Variants in GUCY2C observed in about 807,000 individuals in gnomAD.
GUCY2C encodes guanylate cyclase 2C, also known as guanylyl cyclase C.
A neutral mutation model predicts 131.1 loss-of-function variants in GUCY2C; 118 were observed. That is an observed-to-expected ratio of 0.90 (90% CI 0.78 to 1.05). The LOEUF (loss-of-function observed/expected upper bound fraction) is 1.05, where lower values mean the gene tolerates loss of function less well. Among genes scored for constraint, GUCY2C ranks in the 50% least tolerant of loss-of-function variants. The pLI is 0.00. For synonymous variants in GUCY2C, 452 were observed against 457.8 expected, an observed-to-expected ratio of 0.99 and a Z score of 0.16; for missense variants, 1,161 against 1,304.4, an observed-to-expected ratio of 0.89 and a Z score of 1.69.
chr12:14,621,218 T>C lies in GUCY2C; in HGVS notation c.2602-2A>G, dbSNP rs745657418. On this transcript the variant is annotated splice_acceptor_variant, in intron 22 of 26. Transcript: ENST00000261170. LOFTEE classifies it high-confidence loss of function. ...GTACGCATCACCGATGGTTTCCACC[T>C]GTGGAAACAGTTTCTCATGAGTGCC... is the stretch of plus-strand genomic sequence containing the variant. 3 of 1,607,400 alleles carry C rather than the reference T, an allele frequency of 1.9e-6. No homozygotes were observed. The highest frequency in any genetic ancestry group is 2.6e-6 in the Non-Finnish European group (3 of 1,175,210).
At chr12:14,615,763 G>A (rs1946749960) in intron 25 of GUCY2C, among the ~76,000 whole-genome samples, 1 of 151,918 alleles carries the variant, frequency 6.6e-6, no homozygotes, top group Admixed American at 6.6e-5. Flanking sequence ...TGTAAAAAAT[G>A]TACTTATGGA....
rs1200276016 is a variant in GUCY2C at position 14,622,004 on chromosome 12, C to T, written c.2601+1G>A. 1 of 1,590,794 alleles carries T rather than the reference C, an allele frequency of 6.3e-7. No individual in the cohort carries two copies. The highest frequency in any genetic ancestry group is 8.6e-7 in the Non-Finnish European group (1 of 1,167,832). Reference sequence around the variant, plus strand: ...TTCAGCCTGTTAGGTGATGTGGTTACCTTGTAGACATCATGATGATCAACA... The same window carrying T: ...TTCAGCCTGTTAGGTGATGTGGTTATCTTGTAGACATCATGATGATCAACA... On this transcript the variant is annotated splice_donor_variant, in intron 22 of 26. Coordinates refer to ENST00000261170, the MANE Select transcript of GUCY2C (RefSeq NM_004963.4). LOFTEE classifies it high-confidence loss of function.
chr12:14,644,801 G>A (rs1947485464), intron 16 of GUCY2C, among the ~76,000 whole-genome samples: 1 of 146,346 alleles, frequency 6.8e-6, no homozygotes, highest in African/African-American at 2.6e-5. Flanking sequence ...GAGTGCAATG[G>A]CTCAATCTCG....
chr12:14,676,951 T>G lies in GUCY2C; in HGVS notation c.851A>C (p.Asn284Thr). 6.6e-7 allele frequency: 1 copy of G among 1,524,698 alleles called. No individual in the cohort carries two copies. The highest frequency in any genetic ancestry group is 9.0e-7 in the Non-Finnish European group (1 of 1,111,044). The allele number at this position is 1,524,698 out of a possible 1,614,324, so 94.4% of individuals were successfully genotyped here. The change falls in exon 7 of 27, where the codon AAT becomes ACT. Residue 284 changes from asparagine to threonine, a missense_variant. By Grantham distance (65) the Asn-to-Thr change is moderately conservative (BLOSUM62 0). Coordinates refer to ENST00000261170, the MANE Select transcript of GUCY2C (RefSeq NM_004963.4). Reference protein sequence around the residue: ...DLFNDQYFEDNVTAPDYMKNV... With the variant: ...DLFNDQYFEDTVTAPDYMKNV... ...TTTCATATAGTCAGGGGCTGTGACA[T>G]TGTCCTCAAAGTACTGGTCACTGTA...
At chr12:14,618,621 T>A (rs1266370073) in intron 24 of GUCY2C, among the ~76,000 whole-genome samples, 1 of 152,012 alleles carries the variant, frequency 6.6e-6, no homozygotes, top group Non-Finnish European at 1.5e-5. Context: ...GGCAACATAG[T>A]GAGACCCAGT....
Position 14,641,177 on chromosome 12 carries a change from G to C in GUCY2C, c.1973C>G (p.Ser658Cys), listed in dbSNP as rs1455279928. Residue 658 changes from serine to cysteine, a missense_variant, in exon 18 of 27, where the codon TCT becomes TGT. Physicochemically the swap from Ser to Cys is moderately radical, Grantham distance 112 (BLOSUM62 -1). Transcript: ENST00000261170. Reference protein sequence around the residue: ...APEHLRQANISQKGDVYSYGI... With the variant: ...APEHLRQANICQKGDVYSYGI... Reference sequence around the variant, plus strand: ...ATAGCTGTACACATCTCCTTTCTGAGAGATGTTGGCTTGGCGGAGGTGCTC... The same window carrying C: ...ATAGCTGTACACATCTCCTTTCTGACAGATGTTGGCTTGGCGGAGGTGCTC... 2 of 1,613,726 alleles carry C rather than the reference G, an allele frequency of 1.2e-6. No homozygotes were observed. Among genetic ancestry groups the C allele is most frequent in the Non-Finnish European group, 1.7e-6 (2 of 1,179,876 alleles).
intron 15 of GUCY2C, among the ~76,000 whole-genome samples, chr12:14,650,640 A>G (rs1947632950): frequency 6.6e-6 from 1 of 152,192 alleles, no homozygotes; most frequent in African/African-American, 2.4e-5. Flanking sequence ...TTTCTCTACC[A>G]CATTCCATTA....
chr12:14,648,151 G>A (rs1027658835), intron 15 of GUCY2C, among the ~76,000 whole-genome samples: 32 of 151,786 alleles, frequency 2.1e-4, no homozygotes, highest in Non-Finnish European at 4.0e-4. Flanking sequence ...TATTAGAGAC[G>A]GGGTTTCACT....
chr12:14,679,713 C>G lies in GUCY2C; in HGVS notation c.774G>C (p.Leu258=). 6.2e-7 allele frequency: 1 copy of G among 1,601,278 alleles called. No individual in the cohort carries two copies. The highest frequency in any genetic ancestry group is 8.6e-7 in the Non-Finnish European group (1 of 1,168,388). Residue 258 remains leucine, a synonymous_variant, in exon 6 of 27, where the codon CTG becomes CTC. Transcript: ENST00000261170. ...CTTCAGCCACTGCTCGGTCACCCTTCAGCTTGTAGAGGAACTCTGGACCAC... is the reference window on the plus strand; with the variant it reads ...CTTCAGCCACTGCTCGGTCACCCTTGAGCTTGTAGAGGAACTCTGGACCAC... The part of the protein sequence containing the change: ...MCGGPEFLYK[L]KGDRAVAEDI...
chr12:14,690,796 C>T lies in GUCY2C; in HGVS notation c.218-2733G>A, dbSNP rs567127492. On this transcript the variant is annotated intron_variant, in intron 1 of 26. Transcript: ENST00000261170. Reference sequence around the variant, plus strand: ...GACCTCATGATCCGCCCGCCTCGGCCTCCCAAAGTGCTGGGATTACAGGCG... The same window carrying T: ...GACCTCATGATCCGCCCGCCTCGGCTTCCCAAAGTGCTGGGATTACAGGCG... 4.2e-3 allele frequency among the ~76,000 whole-genome samples: 635 copies of T among 152,292 alleles called. 4 individuals are homozygous for T. The highest frequency in any genetic ancestry group is 0.015 in the African/African-American group (623 of 41,560).
chr12:14,660,863 G>T, intron 11 of GUCY2C, 118 bp downstream of exon 11: 1 of 706,880 alleles, frequency 1.4e-6, no homozygotes. Flanking sequence ...CATTATCTTA[G>T]GTCAGTCTGC....
Position 14,612,998 on chromosome 12 carries a change from C to A in GUCY2C, c.*119G>T. 1 of 797,526 alleles carries A rather than the reference C, an allele frequency of 1.3e-6. No homozygotes were observed. 49.4% of individuals were successfully genotyped at this position (797,526 alleles called of 1,614,324 possible). A position where few individuals can be genotyped will look rare whatever the true frequency, so the allele number is the denominator to read the frequency against. ...CATGTTCCAGACAGGGCAGCCAAGCCTAAGTACATTTCTGCTTCATTGAGG... is the reference window on the plus strand; with the variant it reads ...CATGTTCCAGACAGGGCAGCCAAGCATAAGTACATTTCTGCTTCATTGAGG... On this transcript the variant is annotated 3_prime_UTR_variant, in exon 27 of 27. Coordinates refer to ENST00000261170, the MANE Select transcript of GUCY2C (RefSeq NM_004963.4).
intron 11 of GUCY2C, among the ~76,000 whole-genome samples, chr12:14,660,674 T>C (rs944487777): frequency 2.0e-5 from 3 of 152,148 alleles, no homozygotes; most frequent in Non-Finnish European, 4.4e-5. Context: ...TTACAACAGC[T>C]CAGATGAAGA....
chr12:14,658,199 T>C (rs977415347), intron 11 of GUCY2C, among the ~76,000 whole-genome samples: 2 of 152,214 alleles, frequency 1.3e-5, no homozygotes, highest in African/African-American at 4.8e-5. Context: ...AAGTTCTTAA[T>C]ATATTTTGAG....
At chr12:14,639,399 A>G (rs1947348477) in intron 19 of GUCY2C, among the ~76,000 whole-genome samples, 1 of 151,898 alleles carries the variant, frequency 6.6e-6, no homozygotes, top group Admixed American at 6.6e-5. Flanking sequence ...AGAATGCGGT[A>G]GGCTGAGGCT....
chr12:14,619,157 C>T lies in GUCY2C; in HGVS notation c.2875+54G>A, dbSNP rs1230679277. The T allele has an allele frequency of 3.9e-6, 4 of 1,023,792 alleles. 1 individual carries two copies. The highest frequency in any genetic ancestry group is 6.2e-6 in the Non-Finnish European group (4 of 647,704). The allele number at this position is 1,023,792 out of a possible 1,614,324, so 63.4% of individuals were successfully genotyped here. A position where few individuals can be genotyped will look rare whatever the true frequency, so the allele number is the denominator to read the frequency against. The stretch of plus-strand genomic sequence containing the variant: ...TTGTGCATTTTATCTCACAGTTGCC[C>T]TCTGCTGGAAAACAGCATCTTTGTC... On this transcript the variant is annotated intron_variant, in intron 24 of 26. Coordinates refer to ENST00000261170, the MANE Select transcript of GUCY2C (RefSeq NM_004963.4).
At position 14,669,765 on chromosome 12, in the gene GUCY2C, G is replaced by A. The variant is rs748055433; in HGVS notation, c.1239C>T (p.Phe413=). 1.9e-6 allele frequency: 3 copies of A among 1,605,148 alleles called. No individual in the cohort carries two copies. The highest frequency in any genetic ancestry group is 1.3e-5 in the African/African-American group (1 of 74,688). Residue 413 remains phenylalanine, a synonymous_variant, in exon 10 of 27, where the codon TTC becomes TTT. Coordinates refer to ENST00000261170, the MANE Select transcript of GUCY2C (RefSeq NM_004963.4). ...KTYPVDMSPT[F]TWKNSKLPND... ...TAGGAAGTTTAGAGTTCTTCCAAGTGAATGTGGGGCTCATATCCACAGGAT... is the reference window on the plus strand; with the variant it reads ...TAGGAAGTTTAGAGTTCTTCCAAGTAAATGTGGGGCTCATATCCACAGGAT...
In GUCY2C at chr12:14,641,181, T is replaced by C. The variant is rs1371152783; in HGVS notation, c.1969A>G (p.Ile657Val). 4 of 1,613,612 alleles carry C rather than the reference T, an allele frequency of 2.5e-6. No individual in the cohort carries two copies. In the African/African-American group the frequency reaches 4.0e-5, roughly 16 times the overall value. The change falls in exon 18 of 27, where the codon ATC (isoleucine) becomes GTC (valine). Residue 657 changes from isoleucine to valine, a missense_variant. Ile to Val is a conservative substitution (Grantham distance 29). Transcript: ENST00000261170. ...CTGTACACATCTCCTTTCTGAGAGA[T>C]GTTGGCTTGGCGGAGGTGCTCTGGA... is the stretch of plus-strand genomic sequence containing the variant. Reference protein sequence around the residue: ...TAPEHLRQANISQKGDVYSYG... With the variant: ...TAPEHLRQANVSQKGDVYSYG...
chr12:14,658,622 G>A (rs1947805354), intron 11 of GUCY2C, among the ~76,000 whole-genome samples: 1 of 152,188 alleles, frequency 6.6e-6, no homozygotes, highest in Non-Finnish European at 1.5e-5. Flanking sequence ...GTTGCAGTGA[G>A]CCAAGATGGC....
Sources: gnomAD v4.1 joint callset for allele counts (sites outside exome capture counted in the v4.1 genomes callset) on GRCh38, gnomAD v4.1.1 for gene constraint, MANE v1.5 for transcripts, NCBI Gene and HGNC (gene_info 2026-07-23, HGNC 2026-07-21) for gene names.